KIRREL3: variants seen among roughly 807,000 people sequenced by gnomAD.
KIRREL3 encodes kin of IRRE-like protein 3.
A neutral mutation model predicts 89.7 loss-of-function variants in KIRREL3; 36 were observed. The observed-to-expected ratio is 0.40, with a 90% CI of 0.31 to 0.53. The LOEUF (loss-of-function observed/expected upper bound fraction) is 0.53. Ranked by LOEUF, KIRREL3 falls within the 20% of genes least tolerant of loss-of-function variation. KIRREL3 has a pLI of 0.49. For missense variants in KIRREL3, 864 were observed against 1,056.6 expected (o/e 0.82, Z 2.53); for synonymous variants, 445 against 441.4 (o/e 1.01, Z -0.10).
At chr11:126,988,871 A>G (rs1337363500) in intron 1 of KIRREL3, among the ~76,000 whole-genome samples, 2 of 152,170 alleles carry the variant, frequency 1.3e-5, no homozygotes, top group Non-Finnish European at 2.9e-5. Context: ...GTAGAGAAAC[A>G]TGCTGAGGCC....
At position 126,594,522 on chromosome 11, in the gene KIRREL3, G is replaced by T. The variant is rs942509034; in HGVS notation, c.56-31610C>A. Among the ~76,000 whole-genome samples, 3 of 152,176 alleles carry T rather than the reference G, an allele frequency of 2.0e-5. No homozygotes were observed. The South Asian group carries it at 6.2e-4, about 32-fold the overall frequency. On this transcript the variant is annotated intron_variant, in intron 1 of 16. Coordinates refer to ENST00000525144, the MANE Select transcript of KIRREL3 (RefSeq NM_032531.4). The surrounding 1 kb of genome is among the most constrained non-coding windows in gnomAD (Gnocchi z 5.0). The stretch of plus-strand genomic sequence containing the variant: ...GCTGTGTAACTTTAGAATTCCTTTA[G>T]CCTCGTTTTTCCTTCTTTCTTTCCA...
intron 1 of KIRREL3, among the ~76,000 whole-genome samples, chr11:126,775,417 T>C (rs1950143040): frequency 6.6e-6 from 1 of 152,178 alleles, no homozygotes; most frequent in South Asian, 2.1e-4. Flanking sequence ...GGTAACTCCT[T>C]GAAGGGGGTG....
chr11:126,911,800 G>A (rs368604813), intron 1 of KIRREL3, among the ~76,000 whole-genome samples: 9 of 152,018 alleles, frequency 5.9e-5, no homozygotes, highest in African/African-American at 1.7e-4. Context: ...TGGCTAACAC[G>A]GTGAAACCCT....
rs1266729886 is a variant in KIRREL3, at chr11:126,656,382, A to G, written c.56-93470T>C. Among the ~76,000 whole-genome samples, 2 of 152,234 alleles carry G rather than the reference A, an allele frequency of 1.3e-5. No individual in the cohort carries two copies. The highest frequency in any genetic ancestry group is 2.9e-5 in the Non-Finnish European group (2 of 68,034). Reference sequence around the variant, plus strand: ...GCCTTCAAAATTATAATTGTTTTGTATGTTTTGGCAAGAAAATAGAATAAT... The same window carrying G: ...GCCTTCAAAATTATAATTGTTTTGTGTGTTTTGGCAAGAAAATAGAATAAT... On this transcript the variant is annotated intron_variant, in intron 1 of 16. Transcript: ENST00000525144. This position sits in a 1 kb window ranked among gnomAD's most constrained non-coding sequence, Gnocchi z 4.0.
In KIRREL3 at chr11:126,795,531, G is replaced by T. The variant is rs1365891049; in HGVS notation, c.55+204924C>A. Among the ~76,000 whole-genome samples, 1 of 151,906 alleles carries T rather than the reference G, an allele frequency of 6.6e-6. No individual in the cohort carries two copies. Among genetic ancestry groups the T allele is most frequent in the Admixed American group, 6.6e-5 (1 of 15,256 alleles). On this transcript the variant is annotated intron_variant, in intron 1 of 16. Coordinates refer to ENST00000525144, the MANE Select transcript of KIRREL3 (RefSeq NM_032531.4). The surrounding 1 kb of genome is among the most constrained non-coding windows in gnomAD (Gnocchi z 4.1). ...ACTACAGGCGTGTGCCACCACACCT[G>T]GCTAATTTTTTTAAAATATATTTTT...
At chr11:126,671,235 CTTT>C (rs141912968) in intron 1 of KIRREL3, among the ~76,000 whole-genome samples, 17 of 136,286 alleles carry the variant, frequency 1.2e-4, no homozygotes, top group Admixed American at 3.0e-4. Flanking sequence ...AGTTTTTCTC[CTTT>C]TTTTTTTTTT....
intron 4 of KIRREL3, among the ~76,000 whole-genome samples, chr11:126,506,330 G>T (rs1958013189): frequency 6.6e-6 from 1 of 152,204 alleles, no homozygotes; most frequent in Non-Finnish European, 1.5e-5. Context: ...ACTACAAACT[G>T]AGAGAAAATA....
intron 1 of KIRREL3, among the ~76,000 whole-genome samples, chr11:126,922,121 G>GTCTA (rs60938174): frequency 0.065 from 9,132 of 139,962 alleles, 317 homozygotes; most frequent in African/African-American, 0.071. Flanking sequence ...CTATCTGTCT[G>GTCTA]TCTATCTATC....
intron 4 of KIRREL3, among the ~76,000 whole-genome samples, chr11:126,487,526 A>C (rs945425224): frequency 6.6e-6 from 1 of 152,242 alleles, no homozygotes; most frequent in Non-Finnish European, 1.5e-5. Context: ...CAAATTTACC[A>C]GATCCACTGT....
chr11:126,563,934 G>A lies in KIRREL3; in HGVS notation c.56-1022C>T, dbSNP rs966857224. 6.6e-6 allele frequency among the ~76,000 whole-genome samples: 1 copy of A among 152,204 alleles called. No homozygotes were observed. The highest frequency in any genetic ancestry group is 1.5e-5 in the Non-Finnish European group (1 of 68,036). ...ACTGCAACTGACATTATGCAGATGG[G>A]AAAATTGAGGTTCAACCATGTTAAA... On this transcript the variant is annotated intron_variant, in intron 1 of 16. Coordinates refer to ENST00000525144, the MANE Select transcript of KIRREL3 (RefSeq NM_032531.4). This position sits in a 1 kb window ranked among gnomAD's most constrained non-coding sequence, Gnocchi z 6.8.
intron 1 of KIRREL3, among the ~76,000 whole-genome samples, chr11:126,702,853 G>C (rs755715363): frequency 3.9e-5 from 6 of 152,204 alleles, no homozygotes; most frequent in Non-Finnish European, 8.8e-5. Flanking sequence ...AGGACTGGGT[G>C]CCATCCTGTG....
rs539812085 is a variant in KIRREL3 at position 126,943,389 on chromosome 11, T to G, written c.55+57066A>C. On this transcript the variant is annotated intron_variant, in intron 1 of 16. Transcript: ENST00000525144. This position sits in a 1 kb window ranked among gnomAD's most constrained non-coding sequence, Gnocchi z 4.2. ...CATTTCTCTACCCTCCTCGGAACAATCTGATACCATTATCACTGACATCAT... is the reference window on the plus strand; with the variant it reads ...CATTTCTCTACCCTCCTCGGAACAAGCTGATACCATTATCACTGACATCAT... 2.0e-5 allele frequency among the ~76,000 whole-genome samples: 3 copies of G among 152,178 alleles called. No individual in the cohort carries two copies. The highest frequency in any genetic ancestry group is 4.4e-5 in the Non-Finnish European group (3 of 68,036).
At position 126,882,398 on chromosome 11, in the gene KIRREL3, T is replaced by G. The variant is rs560632822; in HGVS notation, c.55+118057A>C. Among the ~76,000 whole-genome samples the G allele has an allele frequency of 2.0e-5, 3 of 152,314 alleles. No individual in the cohort carries two copies. The South Asian group carries it at 6.2e-4, about 32-fold the overall frequency. Reference sequence around the variant, plus strand: ...TATCCTTATTGTTACAAAATTCACCTCCTTGGTTAACTGAACTAGCAACAC... The same window carrying G: ...TATCCTTATTGTTACAAAATTCACCGCCTTGGTTAACTGAACTAGCAACAC... On this transcript the variant is annotated intron_variant, in intron 1 of 16. Coordinates refer to ENST00000525144, the MANE Select transcript of KIRREL3 (RefSeq NM_032531.4).
Position 126,527,899 on chromosome 11 carries a change from G to A in KIRREL3, c.134-1212C>T, listed in dbSNP as rs1304819633. The stretch of plus-strand genomic sequence containing the variant: ...GGTGTGATGTGATCTGTGTCTCCTG[G>A]GAGTCCACAGTTGAGTGGACAATGG... On this transcript the variant is annotated intron_variant, in intron 2 of 16. Coordinates refer to ENST00000525144, the MANE Select transcript of KIRREL3 (RefSeq NM_032531.4). This position sits in a 1 kb window ranked among gnomAD's most constrained non-coding sequence, Gnocchi z 4.2. Among the ~76,000 whole-genome samples the A allele has an allele frequency of 1.3e-5, 2 of 152,118 alleles. No individual in the cohort carries two copies. The highest frequency in any genetic ancestry group is 2.9e-5 in the Non-Finnish European group (2 of 68,034).
At position 126,906,209 on chromosome 11, in the gene KIRREL3, C is replaced by T. The variant is rs1197488225; in HGVS notation, c.55+94246G>A. Among the ~76,000 whole-genome samples the T allele has an allele frequency of 1.3e-5, 2 of 152,158 alleles. No individual in the cohort carries two copies. Among genetic ancestry groups the T allele is most frequent in the African/African-American group, 4.8e-5 (2 of 41,448 alleles). ...CTCCCTGGAAGACTTTCTGACAGCTCCCTTTCTGCGGGCTGACTGCTCAAG... is the reference window on the plus strand; with the variant it reads ...CTCCCTGGAAGACTTTCTGACAGCTTCCTTTCTGCGGGCTGACTGCTCAAG... On this transcript the variant is annotated intron_variant, in intron 1 of 16. Transcript: ENST00000525144. The surrounding 1 kb of genome is among the most constrained non-coding windows in gnomAD (Gnocchi z 4.1).
At position 126,490,200 on chromosome 11, in the gene KIRREL3, T is replaced by TTGTG. The variant is rs10609593; in HGVS notation, c.434-16738_434-16735dup. ...TATTTGCATTTGGCTTTGGAATGCA[T>TTGTG]TGTGTGTGTGTGTGTGTGTGTGTGT... On this transcript the variant is annotated intron_variant, in intron 4 of 16. Transcript: ENST00000525144. The surrounding 1 kb of genome is among the most constrained non-coding windows in gnomAD (Gnocchi z 4.2). Among the ~76,000 whole-genome samples the TTGTG allele has an allele frequency of 4.7e-3, 667 of 141,082 alleles. 4 individuals carry two copies. Among genetic ancestry groups the TTGTG allele is most frequent in the African/African-American group, 0.014 (513 of 36,820 alleles). 92.6% of individuals were successfully genotyped at this position (141,082 alleles called of 152,430 possible). A position where few individuals can be genotyped will look rare whatever the true frequency, so the allele number is the denominator to read the frequency against.
chr11:126,556,295 A>G (rs1156870718), intron 2 of KIRREL3, among the ~76,000 whole-genome samples: 1 of 152,046 alleles, frequency 6.6e-6, no homozygotes, highest in Non-Finnish European at 1.5e-5. Context: ...AGGAGATAAC[A>G]TCCCTAGGAC....
intron 1 of KIRREL3, among the ~76,000 whole-genome samples, chr11:126,934,189 G>T (rs12283978): frequency 0.014 from 2,107 of 152,194 alleles, 47 homozygotes; most frequent in African/African-American, 0.048. Context: ...TTTTTTTAAA[G>T]AAGGTATCAA....
rs1285978960 is a variant in KIRREL3, at chr11:126,940,546, A to T, written c.55+59909T>A. ...GACTGCATTTAAATTTACAACAGAG[A>T]GAAGTAACTTTTCCTCATTTCCACG... is the stretch of plus-strand genomic sequence containing the variant. On this transcript the variant is annotated intron_variant, in intron 1 of 16. Coordinates refer to ENST00000525144, the MANE Select transcript of KIRREL3 (RefSeq NM_032531.4). The surrounding 1 kb of genome is among the most constrained non-coding windows in gnomAD (Gnocchi z 4.6). 2 of 152,222 alleles carry T rather than the reference A, an allele frequency of 1.3e-5. No homozygotes were observed. Among genetic ancestry groups the T allele is most frequent in the Non-Finnish European group, 2.9e-5 (2 of 68,040 alleles). The allele number at this position is 152,222 out of a possible 1,614,324, so 9.4% of individuals were successfully genotyped here. A position where few individuals can be genotyped will look rare whatever the true frequency, so the allele number is the denominator to read the frequency against.
Sources: allele counts gnomAD v4.1 joint callset (sites outside exome capture counted in the v4.1 genomes callset), GRCh38; gene constraint gnomAD v4.1.1; non-coding constraint Gnocchi (gnomAD v3.1); transcripts MANE v1.5; gene names NCBI Gene and HGNC (gene_info 2026-07-23, HGNC 2026-07-21).